The following SPRING1 variants were observed in gnomAD, a reference collection of about 807,000 sequenced individuals.
SPRING1 encodes the protein SREBF pathway regulator in golgi 1.
Under a neutral mutation model 24.7 loss-of-function variants are expected in SPRING1, and 14 were observed. That is an observed-to-expected ratio of 0.57 (90% CI 0.37 to 0.88). SPRING1 has a LOEUF of 0.88. Ranked by LOEUF, SPRING1 falls within the 40% of genes least tolerant of loss-of-function variation. The probability of loss-of-function intolerance (pLI) is 0.00; values close to 1 mark genes in which losing one functional copy is unlikely to be tolerated. For synonymous variants in SPRING1, 93 were observed against 106.1 expected (o/e 0.88, Z 0.76); for missense variants, 255 against 268.4 (o/e 0.95, Z 0.35).
intron 1 of SPRING1, among the ~76,000 whole-genome samples, chr12:116,730,594 CA>C (rs1870927940): frequency 6.6e-6 from 1 of 152,198 alleles, no homozygotes; most frequent in Non-Finnish European, 1.5e-5. Context: ...CCAAAAAACC[CA>C]GTTCCTTCAG....
At position 116,712,455 on chromosome 12, in the gene SPRING1, A is replaced by T. The variant is rs1220621951; in HGVS notation, c.*5355T>A. On this transcript the variant is annotated 3_prime_UTR_variant, in exon 5 of 5. Transcript: ENST00000261318. ...CTGAATATAGGGATGCCTGTACACA[A>T]AACTGCACTCATGCTGTGATAACAC... is the stretch of plus-strand genomic sequence containing the variant. 1.3e-5 allele frequency: 2 copies of T among 152,196 alleles called. No homozygotes were observed. The highest frequency in any genetic ancestry group is 2.4e-5 in the African/African-American group (1 of 41,432). 9.4% of individuals were successfully genotyped at this position (152,196 alleles called of 1,614,324 possible). A position where few individuals can be genotyped will look rare whatever the true frequency, so the allele number is the denominator to read the frequency against.
intron 1 of SPRING1, among the ~76,000 whole-genome samples, chr12:116,736,812 GGGTGCA>G (rs1335382596): frequency 6.6e-6 from 1 of 152,136 alleles, no homozygotes. Flanking sequence ...AAAAATGAAA[GGGTGCA>G]GTGTGTTGGA....
At chr12:116,732,713 C>CAAACA (rs961072752) in intron 1 of SPRING1, among the ~76,000 whole-genome samples, 2 of 151,958 alleles carry the variant, frequency 1.3e-5, no homozygotes. Flanking sequence ...TCTCAAAAAA[C>CAAACA]AAACAAAACA....
intron 1 of SPRING1, 55 bp from the exon 2 acceptor site, chr12:116,723,278 T>C: frequency 2.5e-6 from 4 of 1,592,750 alleles, no homozygotes; most frequent in East Asian, 2.2e-5. Context: ...TTCTTACAAT[T>C]TCACCAGTTT....
intron 1 of SPRING1, among the ~76,000 whole-genome samples, chr12:116,726,417 T>C (rs1870692810): frequency 6.6e-6 from 1 of 152,216 alleles, no homozygotes; most frequent in South Asian, 2.1e-4. Flanking sequence ...TTTTGTTCTT[T>C]AATTTACCGT....
chr12:116,737,888 C>T lies in SPRING1; in HGVS notation c.13G>A (p.Ala5Thr). ...AGAAGCCGGCGCCACACCATGGCCG[C>T]CAGGTTCACCATCCCGGCGCGGACG... MVNL[A>T]AMVWRRLLRK... The change falls in exon 1 of 5, where the codon GCG becomes ACG. Residue 5 changes from alanine to threonine, a missense_variant. Coordinates refer to ENST00000261318, the MANE Select transcript of SPRING1 (RefSeq NM_024738.4). The T allele has an allele frequency of 1.3e-6, 2 of 1,562,380 alleles. No individual in the cohort carries two copies. Among genetic ancestry groups the T allele is most frequent in the South Asian group, 1.1e-5 (1 of 87,166 alleles).
chr12:116,727,428 C>G (rs1423819973), intron 1 of SPRING1, among the ~76,000 whole-genome samples: 1 of 152,166 alleles, frequency 6.6e-6, no homozygotes, highest in Admixed American at 6.5e-5. Context: ...ATTACTAATG[C>G]GTTGCTTTGT....
At chr12:116,737,547 GGTAA>G (rs1391955563) in intron 1 of SPRING1, among the ~76,000 whole-genome samples, 2 of 5,544 alleles carry the variant, frequency 3.6e-4, no homozygotes, top group Non-Finnish European at 5.4e-4. Flanking sequence ...AGGTGAGGAA[GGTAA>G]GGAAGGAAGG....
chr12:116,729,889 A>T (rs1009943779), intron 1 of SPRING1, among the ~76,000 whole-genome samples: 4 of 152,058 alleles, frequency 2.6e-5, no homozygotes. Context: ...TTTTGTTTTT[A>T]TTTTTATTTA....
At chr12:116,726,512 G>A (rs147117910) in intron 1 of SPRING1, among the ~76,000 whole-genome samples, 1 of 152,168 alleles carries the variant, frequency 6.6e-6, no homozygotes, top group Non-Finnish European at 1.5e-5. Flanking sequence ...GGACCGGGAG[G>A]GGGGCGGTTA....
At position 116,710,631 on chromosome 12, in the gene SPRING1, GGT is replaced by G. The variant is rs1869830131; in HGVS notation, c.*7177_*7178del. 1 of 152,188 alleles carries G rather than the reference GGT, an allele frequency of 6.6e-6. No homozygotes were observed. The highest frequency in any genetic ancestry group is 2.4e-5 in the African/African-American group (1 of 41,428). 9.4% of individuals were successfully genotyped at this position (152,188 alleles called of 1,614,324 possible). ...AGTTGGTCCCAGCAGAGAAGGATAT[GGT>G]GTCTCTTTAAAACTGGAGGAGGAAG... is the stretch of plus-strand genomic sequence containing the variant. On this transcript the variant is annotated 3_prime_UTR_variant, in exon 5 of 5. Coordinates refer to ENST00000261318, the MANE Select transcript of SPRING1 (RefSeq NM_024738.4).
chr12:116,737,505 G>A lies in SPRING1; in HGVS notation c.111+285C>T, dbSNP rs1203013312. ...GAGGAAAGAAGAAAGGGAAGGGGGA[G>A]GAAGGAAAGGGGGAGGAAGGAAGGA... On this transcript the variant is annotated intron_variant, in intron 1 of 4. Transcript: ENST00000261318. Among the ~76,000 whole-genome samples the A allele has an allele frequency of 2.2e-5, 3 of 135,690 alleles. No homozygotes were observed. The East Asian group carries it at 6.6e-4, about 30-fold the overall frequency. 89.0% of individuals were successfully genotyped at this position (135,690 alleles called of 152,430 possible).
At position 116,720,977 on chromosome 12, in the gene SPRING1, C is replaced by A. The variant is rs1291341856; in HGVS notation, c.269-530G>T. Among the ~76,000 whole-genome samples, 1 of 152,182 alleles carries A rather than the reference C, an allele frequency of 6.6e-6. No homozygotes were observed. The highest frequency in any genetic ancestry group is 2.4e-5 in the African/African-American group (1 of 41,436). The stretch of plus-strand genomic sequence containing the variant: ...AAAATAGAAATATTCACATCTAACC[C>A]TTATAAACTGATTTATACGTGTACG... On this transcript the variant is annotated intron_variant, in intron 2 of 4. Transcript: ENST00000261318. The surrounding 1 kb of genome is among the most constrained non-coding windows in gnomAD (Gnocchi z 4.0).
Position 116,713,905 on chromosome 12 carries a change from G to A in SPRING1, c.*3905C>T, listed in dbSNP as rs536175042. 3 of 152,190 alleles carry A rather than the reference G, an allele frequency of 2.0e-5. No homozygotes were observed. The highest frequency in any genetic ancestry group is 2.0e-4 in the Admixed American group (3 of 15,298). The allele number at this position is 152,190 out of a possible 1,614,324, so 9.4% of individuals were successfully genotyped here. Reference sequence around the variant, plus strand: ...AGGTTATCCTAAGTTTCATCCTTACGTGCTCCTGAATTATCTGAAATATCG... The same window carrying A: ...AGGTTATCCTAAGTTTCATCCTTACATGCTCCTGAATTATCTGAAATATCG... On this transcript the variant is annotated 3_prime_UTR_variant, in exon 5 of 5. Transcript: ENST00000261318.
At chr12:116,723,999 T>TA (rs956568967) in intron 1 of SPRING1, among the ~76,000 whole-genome samples, 38 of 148,588 alleles carry the variant, frequency 2.6e-4, no homozygotes, top group Non-Finnish European at 3.3e-4. Flanking sequence ...TCTATACTGT[T>TA]AAAAAAAAAA....
chr12:116,722,037 A>C (rs1371046335), intron 2 of SPRING1, among the ~76,000 whole-genome samples: 1 of 152,202 alleles, frequency 6.6e-6, no homozygotes, highest in Non-Finnish European at 1.5e-5. Flanking sequence ...CTGTGTTGCT[A>C]TTGCCTTGAA....
chr12:116,723,853 C>A (rs1870557515), intron 1 of SPRING1, among the ~76,000 whole-genome samples: 2 of 152,158 alleles, frequency 1.3e-5, no homozygotes, highest in Non-Finnish European at 2.9e-5. Flanking sequence ...AGCCCTCTAC[C>A]CGGACAAGCA....
At chr12:116,726,942 T>C (rs180305) in intron 1 of SPRING1, among the ~76,000 whole-genome samples, 135,656 of 152,218 alleles carry the variant, frequency 0.89, 60,612 homozygotes, top group East Asian at 0.99. Flanking sequence ...AGCACTTCAA[T>C]GCGTTTCCAA....
chr12:116,720,308 C>T lies in SPRING1; in HGVS notation c.408G>A (p.Leu136=). 6.2e-7 allele frequency: 1 copy of T among 1,609,980 alleles called. No homozygotes were observed. The highest frequency in any genetic ancestry group is 8.5e-7 in the Non-Finnish European group (1 of 1,178,744). The change falls in exon 3 of 5, where the codon CTG becomes CTA. Residue 136 remains leucine, a synonymous_variant. Transcript: ENST00000261318. The surrounding 1 kb of genome is among the most constrained non-coding windows in gnomAD (Gnocchi z 4.0). ...SAYEYCVSCC[L]QPNKQLLLER... is the part of the protein sequence containing the mutation. ...CAACTCCCCATACCTTGTTGGGCTG[C>T]AGGCAGCAGGAGACACAGTACTCAT...
Sources: gnomAD v4.1 joint callset for allele counts (sites outside exome capture counted in the v4.1 genomes callset) on GRCh38, gnomAD v4.1.1 for gene constraint, Gnocchi (gnomAD v3.1) non-coding constraint, MANE v1.5 for transcripts, NCBI Gene and HGNC (gene_info 2026-07-23, HGNC 2026-07-21) for gene names.